The following CPEB3 variants were observed in gnomAD, a reference collection of about 807,000 sequenced individuals.
CPEB3 encodes cytoplasmic polyadenylation element-binding protein 3.
In CPEB3, 20 loss-of-function variants were observed where a neutral mutation model predicts 67.2. That is an observed-to-expected ratio of 0.30 (90% CI 0.21 to 0.43). The LOEUF (loss-of-function observed/expected upper bound fraction) is 0.43, where lower values mean the gene tolerates loss of function less well. CPEB3 is among the 20% of genes least tolerant of loss of function. The probability of loss-of-function intolerance (pLI) is 1.00; values close to 1 mark genes in which losing one functional copy is unlikely to be tolerated. For synonymous variants in CPEB3, 376 were observed against 393.1 expected (o/e 0.96, Z 0.51); for missense variants, 746 against 968.6 (o/e 0.77, Z 3.05).
At position 92,050,501 on chromosome 10, in the gene CPEB3, A is replaced by T. The variant is rs1841863092; in HGVS notation, c.*1711T>A. ...AAGAAGATTAAAAAAAGATTTACAT[A>T]GTCTTGCAATCATTGTGTGTGTTTA... On this transcript the variant is annotated 3_prime_UTR_variant, in exon 10 of 10. Transcript: ENST00000265997. 1 of 152,634 alleles carries T rather than the reference A, an allele frequency of 6.6e-6. No homozygotes were observed. Among genetic ancestry groups the T allele is most frequent in the African/African-American group, 2.4e-5 (1 of 41,462 alleles). 9.5% of individuals were successfully genotyped at this position (152,634 alleles called of 1,614,324 possible).
intron 3 of CPEB3, among the ~76,000 whole-genome samples, chr10:92,184,499 G>A (rs532943172): frequency 1.4e-4 from 21 of 152,236 alleles, no homozygotes; most frequent in African/African-American, 4.3e-4. Flanking sequence ...CCGCTACTCG[G>A]GAGGCTAAGG....
chr10:92,227,692 C>T (rs1851048561), intron 2 of CPEB3, among the ~76,000 whole-genome samples: 2 of 151,374 alleles, frequency 1.3e-5, no homozygotes, highest in African/African-American at 2.4e-5. Context: ...CCGGGGTTCA[C>T]GCCATTCTCC....
At chr10:92,155,262 A>G (rs1326062616) in intron 4 of CPEB3, among the ~76,000 whole-genome samples, 1 of 152,258 alleles carries the variant, frequency 6.6e-6, no homozygotes, top group African/African-American at 2.4e-5. Context: ...AAAATAAGTT[A>G]TAACTCCAGT....
At chr10:92,131,485 A>C (rs1406630296) in intron 6 of CPEB3, among the ~76,000 whole-genome samples, 1 of 152,248 alleles carries the variant, frequency 6.6e-6, no homozygotes, top group Non-Finnish European at 1.5e-5. Context: ...ACTATTAGAC[A>C]TAACATATAA....
chr10:92,192,842 G>A (rs567662739), intron 2 of CPEB3, among the ~76,000 whole-genome samples: 5 of 152,126 alleles, frequency 3.3e-5, no homozygotes, highest in East Asian at 3.9e-4. Flanking sequence ...GGTCTCGAAT[G>A]TCTAGGCTCA....
At chr10:92,142,579 A>T (rs1280930338) in intron 6 of CPEB3, among the ~76,000 whole-genome samples, 1 of 152,244 alleles carries the variant, frequency 6.6e-6, no homozygotes, top group Admixed American at 6.5e-5. Context: ...CACTTAATAT[A>T]CAGATGTGGA....
At chr10:92,192,394 CA>C (rs1293266942) in intron 3 of CPEB3, 82 bp downstream of exon 3, 12 of 1,352,422 alleles carry the variant, frequency 8.9e-6, no homozygotes, top group Non-Finnish European at 1.2e-5. Context: ...AAACAAAAAA[CA>C]AACCAGAAAA....
At chr10:92,076,592 T>G (rs1842943315) in intron 9 of CPEB3, among the ~76,000 whole-genome samples, 1 of 151,928 alleles carries the variant, frequency 6.6e-6, no homozygotes, top group South Asian at 2.1e-4. Flanking sequence ...AAACTCTGTG[T>G]GTGTAGAGAT....
At chr10:92,220,742 T>C (rs1455530870) in intron 2 of CPEB3, among the ~76,000 whole-genome samples, 1 of 152,216 alleles carries the variant, frequency 6.6e-6, no homozygotes, top group East Asian at 1.9e-4. Context: ...TTAAACAAAT[T>C]GCATTCCGAA....
intron 1 of CPEB3, among the ~76,000 whole-genome samples, chr10:92,250,129 C>A (rs1187389111): frequency 1.3e-5 from 2 of 151,540 alleles, no homozygotes; most frequent in Non-Finnish European, 2.9e-5. Flanking sequence ...GCTCTGTCGC[C>A]CAGGCTAGAG....
At chr10:92,253,376 C>T (rs999152926) in intron 1 of CPEB3, among the ~76,000 whole-genome samples, 28 of 145,298 alleles carry the variant, frequency 1.9e-4, no homozygotes, top group South Asian at 6.6e-4. Flanking sequence ...AGGAGAATCA[C>T]TTGAACCCGA....
At chr10:92,106,708 G>A (rs1844474612) in intron 7 of CPEB3, among the ~76,000 whole-genome samples, 1 of 150,802 alleles carries the variant, frequency 6.6e-6, no homozygotes, top group Non-Finnish European at 1.5e-5. Context: ...CCAGCTACCT[G>A]GGAGACTAAG....
In CPEB3 at chr10:92,052,344, G is replaced by A. The variant is rs543956067; in HGVS notation, c.1965C>T (p.Asn655=). 39 of 1,614,120 alleles carry A rather than the reference G, an allele frequency of 2.4e-5. No individual in the cohort carries two copies. The highest frequency in any genetic ancestry group is 1.6e-4 in the Middle Eastern group (1 of 6,084). The change falls in exon 10 of 10, where the codon AAC becomes AAT. Residue 655 remains asparagine (N), a synonymous_variant. Transcript: ENST00000265997. ...GGKFAPFFCA[N]VTCLQYYCEY... ...CACAGTAATACTGCAGACAGGTGAC[G>A]TTGGCACAGAAGAACGGGGCAAACT... is the stretch of plus-strand genomic sequence containing the variant.
chr10:92,223,249 A>G (rs1850786085), intron 2 of CPEB3, among the ~76,000 whole-genome samples: 1 of 152,240 alleles, frequency 6.6e-6, no homozygotes, highest in Non-Finnish European at 1.5e-5. Context: ...TAGTCCACAA[A>G]GTAATCTATC....
intron 9 of CPEB3, among the ~76,000 whole-genome samples, chr10:92,061,738 CAGAA>C (rs1842362737): frequency 6.6e-6 from 1 of 151,948 alleles, no homozygotes; most frequent in Non-Finnish European, 1.5e-5. Flanking sequence ...ACAAAAAAAT[CAGAA>C]AGAATGAATA....
At chr10:92,222,535 C>A (rs934753358) in intron 2 of CPEB3, among the ~76,000 whole-genome samples, 4 of 152,152 alleles carry the variant, frequency 2.6e-5, no homozygotes, top group Non-Finnish European at 4.4e-5. Context: ...TCTCTCAGCT[C>A]TGAAGAGGGA....
At chr10:92,137,077 G>A (rs1257286175) in intron 6 of CPEB3, 1 of 288,592 alleles carries the variant, frequency 3.5e-6, no homozygotes, top group Non-Finnish European at 7.0e-6. Context: ...GATCACTCAA[G>A]CCCTATCTGG....
intron 9 of CPEB3, among the ~76,000 whole-genome samples, chr10:92,069,245 G>A (rs1306526582): frequency 6.6e-6 from 1 of 151,930 alleles, no homozygotes; most frequent in Non-Finnish European, 1.5e-5. Flanking sequence ...TCTAGTAAAT[G>A]CCCAACATGT....
At chr10:92,217,206 C>CAAAAAAAAAAAAAAAAAAAAAA (rs1163974877) in intron 2 of CPEB3, among the ~76,000 whole-genome samples, 2 of 25,450 alleles carry the variant, frequency 7.9e-5, no homozygotes, top group African/African-American at 3.7e-4. Context: ...GACTCTGCCT[C>CAAAAAAAAAAAAAAAAAAAAAA]AAAAAAAAAA....
Sources: gnomAD v4.1 joint callset for allele counts (sites outside exome capture counted in the v4.1 genomes callset) on GRCh38, gnomAD v4.1.1 for gene constraint, MANE v1.5 for transcripts, NCBI Gene and HGNC (gene_info 2026-07-23, HGNC 2026-07-21) for gene names.